CADPS2: variants seen among roughly 807,000 people sequenced by gnomAD.
CADPS2 encodes the protein calcium dependent secretion activator 2.
A neutral mutation model predicts 172.5 loss-of-function variants in CADPS2; 93 were observed. The observed-to-expected ratio is 0.54, with a 90% CI of 0.46 to 0.64. The LOEUF (loss-of-function observed/expected upper bound fraction) is 0.64. Ranked by LOEUF, CADPS2 falls within the 30% of genes least tolerant of loss-of-function variation. The probability of loss-of-function intolerance (pLI) is 0.00; values close to 1 mark genes in which losing one functional copy is unlikely to be tolerated. For synonymous variants in CADPS2, 546 were observed against 555.2 expected (o/e 0.98, Z 0.23); for missense variants, 1,420 against 1,565.9 (o/e 0.91, Z 1.57).
chr7:122,729,038 C>T (rs2091386478), intron 2 of CADPS2, among the ~76,000 whole-genome samples: 1 of 151,754 alleles, frequency 6.6e-6, no homozygotes. Flanking sequence ...CTCTTCCTAG[C>T]CTCTGGTATT....
At chr7:122,496,432 G>A (rs902187932) in intron 9 of CADPS2, among the ~76,000 whole-genome samples, 3 of 151,930 alleles carry the variant, frequency 2.0e-5, no homozygotes, top group African/African-American at 7.3e-5. Flanking sequence ...CAAAATGCTG[G>A]GATTATGGCA....
At chr7:122,824,293 G>A (rs1436665409) in intron 1 of CADPS2, among the ~76,000 whole-genome samples, 1 of 152,322 alleles carries the variant, frequency 6.6e-6, no homozygotes, top group East Asian at 1.9e-4. Flanking sequence ...CACATGGCTA[G>A]TAAGAGCTAA....
At chr7:122,350,546 T>A (rs1034447153) in intron 27 of CADPS2, among the ~76,000 whole-genome samples, 25 of 152,210 alleles carry the variant, frequency 1.6e-4, no homozygotes, top group African/African-American at 6.0e-4. Flanking sequence ...TGTAAAAAAC[T>A]AAATACAGTT....
intron 19 of CADPS2, among the ~76,000 whole-genome samples, chr7:122,412,508 A>C (rs2047429905): frequency 6.6e-6 from 1 of 152,210 alleles, no homozygotes; most frequent in African/African-American, 2.4e-5. Flanking sequence ...ACGTGTGTTC[A>C]CACTGAACTC....
At chr7:122,878,416 G>C (rs892638095) in intron 1 of CADPS2, among the ~76,000 whole-genome samples, 1 of 151,996 alleles carries the variant, frequency 6.6e-6, no homozygotes, top group Non-Finnish European at 1.5e-5. Flanking sequence ...ACTTTGGGAG[G>C]CCGAGGTGGG....
chr7:122,659,322 A>AC (rs1554699226), intron 3 of CADPS2, among the ~76,000 whole-genome samples: 27 of 151,568 alleles, frequency 1.8e-4, no homozygotes, highest in African/African-American at 6.0e-4. Flanking sequence ...AAAAAAAAAA[A>AC]AAAACACCGT....
chr7:122,645,213 A>AGT (rs1206418541), intron 3 of CADPS2, among the ~76,000 whole-genome samples: 1 of 116,804 alleles, frequency 8.6e-6, no homozygotes, highest in Non-Finnish European at 1.7e-5. Context: ...TATATACATA[A>AGT]GTATATATAT....
At chr7:122,612,495 C>G (rs1446776728) in intron 6 of CADPS2, among the ~76,000 whole-genome samples, 2 of 151,706 alleles carry the variant, frequency 1.3e-5, no homozygotes, top group South Asian at 2.1e-4. Flanking sequence ...AAAAATAAAA[C>G]TTTTACTTTG....
chr7:122,737,854 A>C (rs145271836), intron 1 of CADPS2, among the ~76,000 whole-genome samples: 1 of 152,152 alleles, frequency 6.6e-6, no homozygotes, highest in African/African-American at 2.4e-5. Context: ...AGGAAGAAAG[A>C]CTGAAAAGAC....
At chr7:122,641,472 AT>A (rs1477502441) in intron 3 of CADPS2, among the ~76,000 whole-genome samples, 2 of 152,126 alleles carry the variant, frequency 1.3e-5, no homozygotes, top group Non-Finnish European at 1.5e-5. Flanking sequence ...AGAGATGCAT[AT>A]TTTTTTCCCT....
intron 8 of CADPS2, among the ~76,000 whole-genome samples, chr7:122,539,222 G>T (rs563243577): frequency 1.4e-4 from 21 of 152,136 alleles, no homozygotes; most frequent in African/African-American, 4.1e-4. Context: ...CTCACAAATG[G>T]ATTAACACCA....
intron 2 of CADPS2, among the ~76,000 whole-genome samples, chr7:122,670,479 G>A (rs572971065): frequency 2.6e-5 from 4 of 152,058 alleles, no homozygotes; most frequent in African/African-American, 9.6e-5. Context: ...GCCAAGGCAG[G>A]TGGATCACTT....
chr7:122,558,065 ACT>A (rs2065254009), intron 7 of CADPS2, among the ~76,000 whole-genome samples: 1 of 152,132 alleles, frequency 6.6e-6, no homozygotes, highest in Non-Finnish European at 1.5e-5. Flanking sequence ...CCTGTGGTAA[ACT>A]CTTACAAACC....
At chr7:122,485,720 T>C (rs1371929361) in intron 11 of CADPS2, among the ~76,000 whole-genome samples, 1 of 152,214 alleles carries the variant, frequency 6.6e-6, no homozygotes, top group African/African-American at 2.4e-5. Context: ...ATTTTTAGTG[T>C]AGACAAAATA....
Position 122,702,176 on chromosome 7 carries a change from A to G in CADPS2, c.453+34779T>C. On this transcript the variant is annotated intron_variant, in intron 2 of 29. Transcript: ENST00000449022. ...GGCAGCCAGGAAGGTAAATAGATACATGATGTAATGGCTCACCCACTGCAT... is the reference window on the plus strand; with the variant it reads ...GGCAGCCAGGAAGGTAAATAGATACGTGATGTAATGGCTCACCCACTGCAT... The G allele has an allele frequency of 6.2e-7, 1 of 1,613,762 alleles. No individual in the cohort carries two copies. The highest frequency in any genetic ancestry group is 8.5e-7 in the Non-Finnish European group (1 of 1,179,702).
chr7:122,365,016 G>A (rs2040673644), intron 25 of CADPS2, among the ~76,000 whole-genome samples: 1 of 152,182 alleles, frequency 6.6e-6, no homozygotes, highest in South Asian at 2.1e-4. Context: ...CCAAAGGATA[G>A]CAGAGATAGA....
intron 7 of CADPS2, among the ~76,000 whole-genome samples, chr7:122,567,235 T>C (rs865994401): frequency 6.6e-6 from 1 of 152,122 alleles, no homozygotes. Context: ...CAGCTGAACA[T>C]AAAATTTCAG....
At chr7:122,814,042 T>C (rs1357023205) in intron 1 of CADPS2, among the ~76,000 whole-genome samples, 1 of 152,028 alleles carries the variant, frequency 6.6e-6, no homozygotes, top group African/African-American at 2.4e-5. Flanking sequence ...CCCCATTTTA[T>C]AGCTAAGTAA....
chr7:122,677,657 C>T (rs181272718), intron 2 of CADPS2, among the ~76,000 whole-genome samples: 1 of 152,252 alleles, frequency 6.6e-6, no homozygotes, highest in Admixed American at 6.5e-5. Flanking sequence ...ACAACAACAA[C>T]AACAATAAAA....
Sources: gnomAD v4.1 joint callset for allele counts (sites outside exome capture counted in the v4.1 genomes callset) on GRCh38, gnomAD v4.1.1 for gene constraint, MANE v1.5 for transcripts, NCBI Gene and HGNC (gene_info 2026-07-23, HGNC 2026-07-21) for gene names.